The following ARID1B variants were observed in gnomAD, a reference collection of about 807,000 sequenced individuals.
The protein encoded by ARID1B is AT-rich interactive domain-containing protein 1B.
A neutral mutation model predicts 212.3 loss-of-function variants in ARID1B; 30 were observed. The ratio of observed to expected loss-of-function variants is 0.14; its 90% CI spans 0.11 to 0.19. ARID1B has a LOEUF of 0.19. Among genes scored for constraint, ARID1B ranks in the 10% least tolerant of loss-of-function variants. The pLI is 1.00. For missense variants in ARID1B, 2,891 were observed against 3,204.0 expected (o/e 0.90, Z 2.36); for synonymous variants, 1,402 against 1,301.7 (o/e 1.08, Z -1.66).
chr6:156,806,288 G>A (rs553747735), intron 1 of ARID1B, among the ~76,000 whole-genome samples: 12 of 152,290 alleles, frequency 7.9e-5, no homozygotes, highest in African/African-American at 2.4e-4. Flanking sequence ...TCTTTGGAAG[G>A]TTCTTTTAGT....
intron 2 of ARID1B, among the ~76,000 whole-genome samples, chr6:156,851,470 CCTT>C (rs1232120071): frequency 6.6e-6 from 1 of 152,194 alleles, no homozygotes; most frequent in Non-Finnish European, 1.5e-5. Flanking sequence ...GAGTTAGACT[CCTT>C]CTGAAGCCTC....
chr6:156,932,834 C>T (rs991849206), intron 3 of ARID1B, among the ~76,000 whole-genome samples: 22 of 152,314 alleles, frequency 1.4e-4, no homozygotes, highest in Middle Eastern at 3.4e-3. Context: ...TACTTATGTT[C>T]AAACATAAGC....
intron 2 of ARID1B, among the ~76,000 whole-genome samples, chr6:156,839,650 A>G (rs1783755626): frequency 1.3e-5 from 2 of 152,194 alleles, no homozygotes; most frequent in Admixed American, 1.3e-4. Context: ...GTGATAACTT[A>G]GTCACATCAC....
chr6:156,927,739 A>G (rs1791341029), intron 3 of ARID1B, among the ~76,000 whole-genome samples: 1 of 152,080 alleles, frequency 6.6e-6, no homozygotes. Flanking sequence ...GTCCTTATAC[A>G]TTTGTTTTTG....
At chr6:156,964,928 A>G (rs192702831) in intron 4 of ARID1B, among the ~76,000 whole-genome samples, 1 of 152,352 alleles carries the variant, frequency 6.6e-6, no homozygotes, top group Admixed American at 6.5e-5. Flanking sequence ...TGAGCACCAG[A>G]GGACATAAGA....
intron 4 of ARID1B, among the ~76,000 whole-genome samples, chr6:157,047,754 G>A (rs935106273): frequency 1.3e-5 from 2 of 152,312 alleles, no homozygotes; most frequent in African/African-American, 4.8e-5. Context: ...TTGACTCCAT[G>A]TATCTCTGGG....
intron 5 of ARID1B, among the ~76,000 whole-genome samples, chr6:157,098,987 G>A (rs779530300): frequency 1.8e-4 from 27 of 151,898 alleles, no homozygotes; most frequent in Admixed American, 3.9e-4. Context: ...TTTTTGAGAC[G>A]GAGTCTCGCT....
intron 5 of ARID1B, among the ~76,000 whole-genome samples, chr6:157,092,442 T>G (rs544840135): frequency 1.3e-5 from 2 of 152,354 alleles, no homozygotes; most frequent in African/African-American, 4.8e-5. Context: ...TGCTGTCTGG[T>G]GGCCAAGGCC....
At chr6:156,969,143 A>G (rs1360208240) in intron 4 of ARID1B, among the ~76,000 whole-genome samples, 1 of 152,250 alleles carries the variant, frequency 6.6e-6, no homozygotes, top group African/African-American at 2.4e-5. Flanking sequence ...GTGACCTTGC[A>G]ATGGACTTGA....
chr6:156,946,002 C>T (rs1459516612), intron 4 of ARID1B, among the ~76,000 whole-genome samples: 1 of 152,112 alleles, frequency 6.6e-6, no homozygotes, highest in Non-Finnish European at 1.5e-5. Context: ...GAGCAAGACC[C>T]TGTCTCAACA....
At chr6:156,942,307 A>T (rs1420030845) in intron 4 of ARID1B, 1 of 152,240 alleles carries the variant, frequency 6.6e-6, no homozygotes, top group Non-Finnish European at 1.5e-5. Flanking sequence ...AAATGCAGAT[A>T]TTCCTGGCTA....
chr6:156,936,508 T>G (rs1172631444), intron 4 of ARID1B: 1 of 151,400 alleles, frequency 6.6e-6, no homozygotes, highest in African/African-American at 2.4e-5. Context: ...ATAGAGAACC[T>G]AATTTAAAGG....
chr6:156,778,760 C>T lies in ARID1B; in HGVS notation c.1080C>T (p.Pro360=), dbSNP rs1259851710. The T allele has an allele frequency of 1.3e-6, 2 of 1,522,892 alleles. No homozygotes were observed. The highest frequency in any genetic ancestry group is 8.8e-7 in the Non-Finnish European group (1 of 1,133,462). The allele number at this position is 1,522,892 out of a possible 1,614,324, so 94.3% of individuals were successfully genotyped here. The part of the protein sequence containing the change: ...HSASAAAAGA[P]GSMDPLQNSH... ...CCTCCGCCGCCGCCGCCGGGGCCCC[C>T]GGCAGCATGGACCCCCTGCAGAACT... Residue 360 remains proline (P), a synonymous_variant, in exon 1 of 20, where the codon CCC becomes CCT. Coordinates refer to ENST00000636930, the MANE Select transcript of ARID1B (RefSeq NM_001374828.1).
intron 2 of ARID1B, among the ~76,000 whole-genome samples, chr6:156,866,023 C>T (rs1484904032): frequency 1.3e-5 from 2 of 152,070 alleles, no homozygotes; most frequent in African/African-American, 2.4e-5. Flanking sequence ...TTATTGGTTG[C>T]CTGGCCAGTT....
At chr6:156,885,340 GGTAA>G (rs1418616637) in intron 2 of ARID1B, among the ~76,000 whole-genome samples, 2 of 151,988 alleles carry the variant, frequency 1.3e-5, no homozygotes, top group Non-Finnish European at 2.9e-5. Context: ...GTTTGAGGTG[GGTAA>G]GTATCATTTT....
chr6:156,986,068 G>A (rs1777900795), intron 4 of ARID1B, among the ~76,000 whole-genome samples: 1 of 151,370 alleles, frequency 6.6e-6, no homozygotes, highest in South Asian at 2.1e-4. Flanking sequence ...AAGGCTTTTT[G>A]TCTTTGATCT....
chr6:156,795,528 A>G (rs913361828), intron 1 of ARID1B, among the ~76,000 whole-genome samples: 11 of 152,218 alleles, frequency 7.2e-5, no homozygotes, highest in African/African-American at 2.7e-4. Context: ...ATGCATAGTT[A>G]AAAGAACAGA....
intron 7 of ARID1B, among the ~76,000 whole-genome samples, chr6:157,136,393 C>T (rs1788910016): frequency 6.6e-6 from 1 of 152,166 alleles, no homozygotes; most frequent in African/African-American, 2.4e-5. Context: ...TTCCCACCAG[C>T]AGAAACTGAC....
intron 4 of ARID1B, among the ~76,000 whole-genome samples, chr6:157,057,025 C>T (rs958748536): frequency 2.7e-4 from 40 of 148,580 alleles, no homozygotes; most frequent in Admixed American, 1.1e-3. Context: ...TTTTTTAAGA[C>T]GGAGTCTCAC....
Sources: allele counts gnomAD v4.1 joint callset (sites outside exome capture counted in the v4.1 genomes callset), GRCh38; gene constraint gnomAD v4.1.1; transcripts MANE v1.5; gene names NCBI Gene and HGNC (gene_info 2026-07-23, HGNC 2026-07-21).